The following PRR14L variants were observed in gnomAD, a reference collection of about 807,000 sequenced individuals.
PRR14L encodes protein PRR14L.
A neutral mutation model predicts 155.0 loss-of-function variants in PRR14L; 80 were observed. The ratio of observed to expected loss-of-function variants is 0.52; its 90% CI spans 0.43 to 0.62. The LOEUF (loss-of-function observed/expected upper bound fraction) is 0.62, where lower values mean the gene tolerates loss of function less well. PRR14L is among the 20% of genes least tolerant of loss of function. The pLI is 0.00. For missense variants in PRR14L, 2,469 were observed against 2,548.0 expected (o/e 0.97, Z 0.67); for synonymous variants, 883 against 916.0 (o/e 0.96, Z 0.65).
chr22:31,747,398 G>A (rs574658485), intron 1 of PRR14L, among the ~76,000 whole-genome samples: 1 of 151,008 alleles, frequency 6.6e-6, no homozygotes, highest in South Asian at 2.1e-4. Context: ...AGAGGCATGA[G>A]CCACCGCGCC....
At chr22:31,719,842 T>A (rs774166824) in intron 3 of PRR14L, among the ~76,000 whole-genome samples, 3 of 152,012 alleles carry the variant, frequency 2.0e-5, no homozygotes, top group Non-Finnish European at 4.4e-5. Flanking sequence ...GCTCAAGTGA[T>A]CCTCTCACCT....
At chr22:31,686,558 C>T (rs1475887227) in intron 8 of PRR14L, among the ~76,000 whole-genome samples, 1 of 152,078 alleles carries the variant, frequency 6.6e-6, no homozygotes, top group Non-Finnish European at 1.5e-5. Flanking sequence ...TCCCACGTAG[C>T]TGGGACTACA....
intron 3 of PRR14L, among the ~76,000 whole-genome samples, chr22:31,724,024 A>G (rs2074704380): frequency 6.6e-6 from 1 of 152,116 alleles, no homozygotes; most frequent in Non-Finnish European, 1.5e-5. Flanking sequence ...CCAGATAAAC[A>G]CTAGCATTAT....
At chr22:31,731,370 C>T (rs1263286258) in intron 2 of PRR14L, among the ~76,000 whole-genome samples, 2 of 151,920 alleles carry the variant, frequency 1.3e-5, no homozygotes, top group African/African-American at 2.4e-5. Flanking sequence ...TGAGACCATC[C>T]TGGCTAACAC....
At chr22:31,718,025 T>C (rs1281314741) in intron 3 of PRR14L, among the ~76,000 whole-genome samples, 1 of 151,298 alleles carries the variant, frequency 6.6e-6, no homozygotes, top group Non-Finnish European at 1.5e-5. Context: ...CTTCCTGGGT[T>C]CAAGCAATTC....
Position 31,712,485 on chromosome 22 carries a change from T to C in PRR14L, c.5354A>G (p.His1785Arg), listed in dbSNP as rs1165375756. ...MATFREDTGV[H>R]SQTHTQAPPQ... is the part of the protein sequence containing the mutation. Reference sequence around the variant, plus strand: ...AGGAGCCTGAGTGTGGGTCTGACTATGGACGCCAGTGTCTTCCCTGAATGT... The same window carrying C: ...AGGAGCCTGAGTGTGGGTCTGACTACGGACGCCAGTGTCTTCCCTGAATGT... The change falls in exon 4 of 9, where the codon CAT (histidine) becomes CGT (arginine). Residue 1785 changes from histidine (H) to arginine (R), a missense_variant. His to Arg is a conservative substitution (Grantham distance 29, BLOSUM62 0). Transcript: ENST00000327423. 7 of 1,552,196 alleles carry C rather than the reference T, an allele frequency of 4.5e-6. No individual in the cohort carries two copies. The highest frequency in any genetic ancestry group is 2.4e-5 in the South Asian group (2 of 84,266).
At position 31,682,576 on chromosome 22, in the gene PRR14L, T is replaced by C. The variant is rs1007024227; in HGVS notation, c.*2951A>G. 1 of 151,508 alleles carries C rather than the reference T, an allele frequency of 6.6e-6. No homozygotes were observed. Among genetic ancestry groups the C allele is most frequent in the African/African-American group, 2.4e-5 (1 of 41,128 alleles). The allele number at this position is 151,508 out of a possible 1,614,324, so 9.4% of individuals were successfully genotyped here. A position where few individuals can be genotyped will look rare whatever the true frequency, so the allele number is the denominator to read the frequency against. On this transcript the variant is annotated 3_prime_UTR_variant, in exon 9 of 9. Coordinates refer to ENST00000327423, the MANE Select transcript of PRR14L (RefSeq NM_173566.3). ...CGCGGAGGGAGAAGGCAAACACAGC[T>C]AGAAACTGAAAGATGGAAAAAAAAA...
chr22:31,743,255 T>C (rs1263989547), intron 1 of PRR14L, among the ~76,000 whole-genome samples: 1 of 151,852 alleles, frequency 6.6e-6, no homozygotes, highest in African/African-American at 2.4e-5. Context: ...TGAGCCGAGA[T>C]TGCGCCACTG....
intron 7 of PRR14L, among the ~76,000 whole-genome samples, chr22:31,692,146 G>T (rs1601491878): frequency 6.6e-6 from 1 of 152,272 alleles, no homozygotes; most frequent in East Asian, 1.9e-4. Flanking sequence ...GGGATTACAG[G>T]CGTGAGCCAC....
chr22:31,728,989 A>G (rs577461198), intron 2 of PRR14L, among the ~76,000 whole-genome samples: 1 of 152,332 alleles, frequency 6.6e-6, no homozygotes, highest in East Asian at 1.9e-4. Context: ...TTTGGTGCAC[A>G]GTTCTTAAAT....
rs1156513544 is a variant in PRR14L at position 31,704,645 on chromosome 22, A to G, written c.5828+10T>C. The stretch of plus-strand genomic sequence containing the variant: ...CACGCGCACACACACGCTGAGTCTC[A>G]TGTGCTTACCTCGTCTGACTGCCGC... On this transcript the variant is annotated intron_variant, in intron 5 of 8. Coordinates refer to ENST00000327423, the MANE Select transcript of PRR14L (RefSeq NM_173566.3). 2.5e-6 allele frequency: 4 copies of G among 1,611,508 alleles called. No homozygotes were observed. Among genetic ancestry groups the G allele is most frequent in the Non-Finnish European group, 3.4e-6 (4 of 1,177,798 alleles).
intron 2 of PRR14L, among the ~76,000 whole-genome samples, chr22:31,725,878 A>G (rs571888587): frequency 6.6e-6 from 1 of 152,134 alleles, no homozygotes; most frequent in South Asian, 2.1e-4. Context: ...CATGTTGGCC[A>G]GGCTGGTCTT....
At chr22:31,748,525 G>A (rs1309262805) in intron 1 of PRR14L, among the ~76,000 whole-genome samples, 1 of 152,182 alleles carries the variant, frequency 6.6e-6, no homozygotes. Flanking sequence ...AAAGGAAAAG[G>A]AGAAAAGAAA....
At position 31,750,084 on chromosome 22, in the gene PRR14L, A is replaced by C. The variant is rs1417533070; in HGVS notation, c.-143T>G. ...TCGCCAGGTCTACCTGAGCCTACGG[A>C]GCCGACAGAGGCCGGGGGCGCTCCG... On this transcript the variant is annotated 5_prime_UTR_variant, in exon 1 of 9. Transcript: ENST00000327423. 2 of 152,518 alleles carry C rather than the reference A, an allele frequency of 1.3e-5. No homozygotes were observed. Among genetic ancestry groups the C allele is most frequent in the Non-Finnish European group, 2.9e-5 (2 of 68,312 alleles). 9.4% of individuals were successfully genotyped at this position (152,518 alleles called of 1,614,324 possible). A position where few individuals can be genotyped will look rare whatever the true frequency, so the allele number is the denominator to read the frequency against.
Position 31,714,534 on chromosome 22 carries a change from T to A in PRR14L, c.3305A>T (p.Asp1102Val). ...ACCAGTTGTTCCTGTATGTGCAGCA[T>A]CCAGTTCTCTCCGAGACAAGGTACT... ...SRSTLSRRELDAAHTGTTGQD... is the reference protein window; with the variant it reads ...SRSTLSRRELVAAHTGTTGQD... Residue 1102 changes from aspartate to valine, a missense_variant, in exon 4 of 9, where the codon GAT (aspartate) becomes GTT (valine). This residue lies in a region of PRR14L where 2,363 missense variants were observed against 2,371.6 expected (regional missense o/e 1.00). Transcript: ENST00000327423. 6.4e-7 allele frequency: 1 copy of A among 1,552,110 alleles called. No homozygotes were observed. The highest frequency in any genetic ancestry group is 1.4e-5 in the African/African-American group (1 of 73,182).
chr22:31,712,467 TG>T lies in PRR14L; in HGVS notation c.5371del (p.Gln1791ArgfsTer18). 6.4e-7 allele frequency: 1 copy of T among 1,553,572 alleles called. No individual in the cohort carries two copies. The highest frequency in any genetic ancestry group is 8.7e-7 in the Non-Finnish European group (1 of 1,147,844). On this transcript the variant is annotated frameshift_variant, in exon 4 of 9. Coordinates refer to ENST00000327423, the MANE Select transcript of PRR14L (RefSeq NM_173566.3). LOFTEE classifies it high-confidence loss of function. The part of the protein sequence containing the change: ...DTGVHSQTHT[Q>X]APPQPPAPLQ... ...AGGAGCTGGAGGCTGGGGAGGAGCC[TG>T]AGTGTGGGTCTGACTATGGACGCCA...
At chr22:31,686,428 A>C (rs1055487583) in intron 8 of PRR14L, among the ~76,000 whole-genome samples, 2 of 149,124 alleles carry the variant, frequency 1.3e-5, no homozygotes, top group Non-Finnish European at 1.5e-5. Context: ...TAAAAAAAAA[A>C]CTTTTTTTTT....
chr22:31,727,378 T>G (rs2074722248), intron 2 of PRR14L, among the ~76,000 whole-genome samples: 1 of 151,606 alleles, frequency 6.6e-6, no homozygotes. Context: ...GGACTACAGG[T>G]GCACGCCGCC....
chr22:31,740,553 G>C (rs2074807344), intron 1 of PRR14L, among the ~76,000 whole-genome samples: 1 of 151,734 alleles, frequency 6.6e-6, no homozygotes, highest in East Asian at 1.9e-4. Flanking sequence ...TGGAGACAAA[G>C]TTTTGATATG....
Sources: gnomAD v4.1 joint callset for allele counts (sites outside exome capture counted in the v4.1 genomes callset) on GRCh38, gnomAD v4.1.1 for gene constraint, gnomAD v4.1.1 regional missense constraint, MANE v1.5 for transcripts, NCBI Gene and HGNC (gene_info 2026-07-23, HGNC 2026-07-21) for gene names.